ZWILCH: variants seen among roughly 807,000 people sequenced by gnomAD.
ZWILCH encodes the protein protein zwilch homolog.
ZWILCH carries 74 observed loss-of-function variants against 79.9 expected under a neutral mutation model. The observed-to-expected ratio is 0.93, with a 90% CI of 0.77 to 1.12. The LOEUF (loss-of-function observed/expected upper bound fraction) is 1.12. Ranked by LOEUF, ZWILCH falls within the 50% of genes most tolerant of loss-of-function variation. The pLI is 0.00. For missense variants in ZWILCH, 694 were observed against 687.5 expected (o/e 1.01, Z -0.11); for synonymous variants, 241 against 228.2 (o/e 1.06, Z -0.51).
At chr15:66,541,149 T>A (rs939225487) in intron 17 of ZWILCH, among the ~76,000 whole-genome samples, 10 of 148,624 alleles carry the variant, frequency 6.7e-5, no homozygotes, top group Non-Finnish European at 1.5e-4. Context: ...TAGCCGGGTG[T>A]TGGTGGCTTG....
chr15:66,524,499 TTCTGGTGTGTGCA>T (rs1382119195), intron 8 of ZWILCH: 1 of 152,224 alleles, frequency 6.6e-6, no homozygotes, highest in Non-Finnish European at 1.5e-5. Context: ...CTCTATCATC[TTCTGGTGTGTGCA>T]TCTTGATCTA....
chr15:66,545,604 T>C (rs1371441978), intron 17 of ZWILCH, among the ~76,000 whole-genome samples: 2 of 152,224 alleles, frequency 1.3e-5, no homozygotes, highest in African/African-American at 2.4e-5. Context: ...TATAAAATCA[T>C]ATATTTATGT....
rs184960029 is a variant in ZWILCH at position 66,523,454 on chromosome 15, T to C, written c.748-223T>C. The C allele has an allele frequency of 1.9e-4, 81 of 424,904 alleles. No homozygotes were observed. In the East Asian group the frequency reaches 2.5e-3, roughly 13 times the overall value. The allele number at this position is 424,904 out of a possible 1,614,324, so 26.3% of individuals were successfully genotyped here. On this transcript the variant is annotated intron_variant, in intron 7 of 18. Transcript: ENST00000307897. ...CACATAGGTACAATTGTTTATGTCA[T>C]AGAAAGAGGATAAGTGGTTTTAATT...
intron 4 of ZWILCH, among the ~76,000 whole-genome samples, chr15:66,517,444 A>ATG (rs1894318995): frequency 8.0e-6 from 1 of 125,150 alleles, no homozygotes. Flanking sequence ...ATATATATAT[A>ATG]TATATATATA....
chr15:66,523,806 T>C, intron 8 of ZWILCH, 58 bp downstream of exon 8: 3 of 1,354,144 alleles, frequency 2.2e-6, no homozygotes, highest in Non-Finnish European at 3.1e-6. Flanking sequence ...ACATGTGTGC[T>C]ATTGTTGTTT....
chr15:66,544,724 T>TTTTGTGTGTGTGTGTG (rs145952622), intron 17 of ZWILCH, among the ~76,000 whole-genome samples: 91 of 128,540 alleles, frequency 7.1e-4, no homozygotes, highest in East Asian at 1.5e-3. Context: ...TTTTTGGTTT[T>TTTTGTGTGTGTGTGTG]TGTGTGTGTG....
chr15:66,543,557 G>T (rs1895261012), intron 17 of ZWILCH, among the ~76,000 whole-genome samples: 1 of 152,150 alleles, frequency 6.6e-6, no homozygotes, highest in African/African-American at 2.4e-5. Context: ...AAGAGTTCAA[G>T]ACCAGCCTGG....
In ZWILCH at chr15:66,534,182, C is replaced by CTTTTT. The variant is rs148254176; in HGVS notation, c.1341+1173_1341+1177dup. On this transcript the variant is annotated intron_variant, in intron 14 of 18. Transcript: ENST00000307897. The stretch of plus-strand genomic sequence containing the variant: ...GTGGATTTCTTCTTGTCATTATTCT[C>CTTTTT]TTTTTTTTCTTGTCATTCTCTAAAC... Among the ~76,000 whole-genome samples the CTTTTT allele has an allele frequency of 8.0e-3, 1,219 of 152,044 alleles. 18 individuals carry two copies. The highest frequency in any genetic ancestry group is 0.028 in the African/African-American group (1,167 of 41,472).
chr15:66,535,491 C>T (rs1051548035), intron 14 of ZWILCH, among the ~76,000 whole-genome samples: 3 of 151,974 alleles, frequency 2.0e-5, no homozygotes, highest in South Asian at 2.1e-4. Context: ...GCCTGGGCAA[C>T]GTGGTGAATT....
intron 4 of ZWILCH, among the ~76,000 whole-genome samples, chr15:66,516,234 C>T (rs942715503): frequency 8.5e-5 from 13 of 152,192 alleles, no homozygotes; most frequent in African/African-American, 3.1e-4. Context: ...TATCTCACCC[C>T]AGGTGCCAGT....
chr15:66,545,130 A>G (rs1470161714), intron 17 of ZWILCH, among the ~76,000 whole-genome samples: 1 of 151,598 alleles, frequency 6.6e-6, no homozygotes, highest in East Asian at 2.0e-4. Context: ...AGGTGGGTGG[A>G]TCACCTGAGG....
intron 18 of ZWILCH, 51 bp from the exon 19 acceptor site, chr15:66,548,299 GT>G (rs566686893): frequency 0.016 from 5,329 of 340,674 alleles, no homozygotes; most frequent in East Asian, 0.021. Flanking sequence ...GATTACAAGT[GT>G]TTTTTTTTTT....
Position 66,546,724 on chromosome 15 carries a change from T to G in ZWILCH, c.*26+19T>G. 7.1e-7 allele frequency: 1 copy of G among 1,410,856 alleles called. No individual in the cohort carries two copies. Among genetic ancestry groups the G allele is most frequent in the Non-Finnish European group, 9.7e-7 (1 of 1,027,952 alleles). The allele number at this position is 1,410,856 out of a possible 1,614,324, so 87.4% of individuals were successfully genotyped here. ...CTATAAGGTATTTATGTTCACATTT[T>G]AGTCTCTTTGTCAAATACTTTGTAA... On this transcript the variant is annotated intron_variant, in intron 18 of 18. Coordinates refer to ENST00000307897, the MANE Select transcript of ZWILCH (RefSeq NM_017975.5).
chr15:66,517,446 A>ATATGTG (rs1555424258), intron 4 of ZWILCH, among the ~76,000 whole-genome samples: 1 of 125,786 alleles, frequency 8.0e-6, no homozygotes, highest in Non-Finnish European at 1.7e-5. Flanking sequence ...ATATATATAT[A>ATATGTG]TATATATATA....
At chr15:66,535,133 T>G (rs1894970342) in intron 14 of ZWILCH, among the ~76,000 whole-genome samples, 1 of 152,126 alleles carries the variant, frequency 6.6e-6, no homozygotes, top group South Asian at 2.1e-4. Context: ...TATCACTGTC[T>G]TCCGCCTCCA....
At chr15:66,537,146 A>G in intron 15 of ZWILCH, 22 bp from the exon 16 acceptor site, 1 of 1,589,268 alleles carries the variant, frequency 6.3e-7, no homozygotes, top group Non-Finnish European at 8.6e-7. Flanking sequence ...TTTCCAAAAG[A>G]GGTTCCATTT....
At chr15:66,523,556 T>C in intron 7 of ZWILCH, 121 bp from the exon 8 acceptor site, 1 of 639,948 alleles carries the variant, frequency 1.6e-6, no homozygotes. Context: ...TTTCAATTCA[T>C]TGGTCCTTTA....
At position 66,540,634 on chromosome 15, in the gene ZWILCH, C is replaced by CT. The variant is rs763324094; in HGVS notation, c.1687+436dup. Among the ~76,000 whole-genome samples the CT allele has an allele frequency of 1.9e-3, 266 of 141,052 alleles. 1 individual carries two copies. Among genetic ancestry groups the CT allele is most frequent in the Middle Eastern group, 3.6e-3 (1 of 278 alleles). 92.5% of individuals were successfully genotyped at this position (141,052 alleles called of 152,430 possible). On this transcript the variant is annotated intron_variant, in intron 17 of 18. Coordinates refer to ENST00000307897, the MANE Select transcript of ZWILCH (RefSeq NM_017975.5). ...CTCTTGTGTGCCCAGTATTTTCTTT[C>CT]TTTTTTTTTTTTGAGATGGAGTCTC...
At chr15:66,509,426 A>G (rs1893944919) in intron 2 of ZWILCH, among the ~76,000 whole-genome samples, 1 of 152,158 alleles carries the variant, frequency 6.6e-6, no homozygotes, top group Non-Finnish European at 1.5e-5. Flanking sequence ...ATAAAATCAT[A>G]CAGCCTTTTG....
Sources: gnomAD v4.1 joint callset for allele counts (sites outside exome capture counted in the v4.1 genomes callset) on GRCh38, gnomAD v4.1.1 for gene constraint, MANE v1.5 for transcripts, NCBI Gene and HGNC (gene_info 2026-07-23, HGNC 2026-07-21) for gene names.